The following EEPD1 variants were observed in gnomAD, a reference collection of about 807,000 sequenced individuals.
The protein encoded by EEPD1 is endonuclease/exonuclease/phosphatase family domain containing 1, also known as endonuclease/exonuclease/phosphatase family domain-containing protein 1.
A neutral mutation model predicts 46.3 loss-of-function variants in EEPD1; 17 were observed. The ratio of observed to expected loss-of-function variants is 0.37; its 90% CI spans 0.25 to 0.55. The LOEUF (loss-of-function observed/expected upper bound fraction) is 0.55, where lower values mean the gene tolerates loss of function less well. EEPD1 is among the 20% of genes least tolerant of loss of function. The probability of loss-of-function intolerance (pLI) is 0.83; values close to 1 mark genes in which losing one functional copy is unlikely to be tolerated. For synonymous variants in EEPD1, 313 were observed against 315.6 expected (o/e 0.99, Z 0.09); for missense variants, 673 against 745.6 (o/e 0.90, Z 1.13).
chr7:36,246,678 CCTG>C (rs1786645380), intron 3 of EEPD1, among the ~76,000 whole-genome samples: 1 of 152,144 alleles, frequency 6.6e-6, no homozygotes. Context: ...GTCAGTCCTC[CCTG>C]CTGATAGGTG....
chr7:36,283,612 C>T (rs1787294665), intron 4 of EEPD1, among the ~76,000 whole-genome samples: 1 of 152,070 alleles, frequency 6.6e-6, no homozygotes, highest in Admixed American at 6.5e-5. Flanking sequence ...GGACTGAGGC[C>T]CAGGTCTTCT....
chr7:36,159,668 T>C (rs1583777995), intron 2 of EEPD1, among the ~76,000 whole-genome samples: 1 of 152,206 alleles, frequency 6.6e-6, no homozygotes, highest in Admixed American at 6.5e-5. Flanking sequence ...GCTGGCCAGG[T>C]ATCAGGGTCT....
At chr7:36,223,532 C>T (rs548121009) in intron 2 of EEPD1, among the ~76,000 whole-genome samples, 1 of 152,302 alleles carries the variant, frequency 6.6e-6, no homozygotes, top group South Asian at 2.1e-4. Context: ...GTTCCTTGCC[C>T]TATCTCTGGT....
At position 36,197,328 on chromosome 7, in the gene EEPD1, A is replaced by G. The variant is rs1300885226; in HGVS notation, c.879-41657A>G. Among the ~76,000 whole-genome samples, 24 of 146,852 alleles carry G rather than the reference A, an allele frequency of 1.6e-4. No individual in the cohort carries two copies. The East Asian group carries it at 4.2e-3, about 26-fold the overall frequency. On this transcript the variant is annotated intron_variant, in intron 2 of 7. Coordinates refer to ENST00000242108, the MANE Select transcript of EEPD1 (RefSeq NM_030636.3). ...CCCCGCCCGGCCAGCCGCCCAGTCCAGGAGGTGAGGGGCGCCTCTGCCCGG... is the reference window on the plus strand; with the variant it reads ...CCCCGCCCGGCCAGCCGCCCAGTCCGGGAGGTGAGGGGCGCCTCTGCCCGG...
intron 2 of EEPD1, among the ~76,000 whole-genome samples, chr7:36,229,937 A>G (rs538494696): frequency 6.6e-6 from 1 of 151,752 alleles, no homozygotes; most frequent in Admixed American, 6.6e-5. Flanking sequence ...GTCCAAATCT[A>G]TAGCCCAGGA....
chr7:36,163,827 G>A (rs373184490), intron 2 of EEPD1, among the ~76,000 whole-genome samples: 2 of 148,120 alleles, frequency 1.4e-5, no homozygotes, highest in African/African-American at 5.0e-5. Flanking sequence ...GCAGTGAGCC[G>A]AGATCATGCC....
At chr7:36,296,715 T>TTTTG (rs1787530774) in intron 6 of EEPD1, among the ~76,000 whole-genome samples, 1 of 149,464 alleles carries the variant, frequency 6.7e-6, no homozygotes, top group South Asian at 2.1e-4. Context: ...TTTTTTTTTT[T>TTTTG]TTGTGATAAG....
chr7:36,179,690 T>C (rs1460068699), intron 2 of EEPD1, among the ~76,000 whole-genome samples: 7 of 127,484 alleles, frequency 5.5e-5, no homozygotes, highest in Non-Finnish European at 1.1e-4. Flanking sequence ...TAAAACCCTG[T>C]CTCTACTAAA....
At chr7:36,269,565 C>T (rs546370735) in intron 3 of EEPD1, among the ~76,000 whole-genome samples, 1 of 152,010 alleles carries the variant, frequency 6.6e-6, no homozygotes, top group South Asian at 2.1e-4. Context: ...TACTCCAGGC[C>T]CCTGTGCTGC....
At chr7:36,200,495 A>C (rs1426866272) in intron 2 of EEPD1, among the ~76,000 whole-genome samples, 2 of 152,216 alleles carry the variant, frequency 1.3e-5, no homozygotes, top group Non-Finnish European at 1.5e-5. Context: ...CTCCTGCATC[A>C]CATTGCTTTA....
rs372494407 is a variant in EEPD1 at position 36,297,050 on chromosome 7, A to G, written c.1373A>G (p.Tyr458Cys). ...DFGQGPDSND[Y>C]DILRKEKFHH... is the part of the protein sequence containing the mutation. Reference sequence around the variant, plus strand: ...GGCCAAGGGCCAGACAGCAATGACTATGATATCCTGAGGAAAGAAAAGTTC... The same window carrying G: ...GGCCAAGGGCCAGACAGCAATGACTGTGATATCCTGAGGAAAGAAAAGTTC... The change falls in exon 7 of 8, where the codon TAT becomes TGT. Residue 458 changes from tyrosine (Y) to cysteine (C), a missense_variant. Physicochemically the swap from Tyr to Cys is radical, Grantham distance 194. Transcript: ENST00000242108. 1.7e-5 allele frequency: 28 copies of G among 1,614,140 alleles called. No individual in the cohort carries two copies. Among genetic ancestry groups the G allele is most frequent in the South Asian group, 2.2e-5 (2 of 91,096 alleles).
chr7:36,219,596 AAGG>A (rs923256949), intron 2 of EEPD1, among the ~76,000 whole-genome samples: 2 of 146,240 alleles, frequency 1.4e-5, no homozygotes, highest in African/African-American at 5.1e-5. Flanking sequence ...AAAGAAGAAG[AAGG>A]AGGAAGAGGA....
chr7:36,154,880 G>A lies in EEPD1; in HGVS notation c.556G>A (p.Ala186Thr), dbSNP rs763941759. Reference protein sequence around the residue: ...DLVRMDGINAAFLDRIRHQVF... With the variant: ...DLVRMDGINATFLDRIRHQVF... The stretch of plus-strand genomic sequence containing the variant: ...AGTGAGGATGGATGGTATCAATGCC[G>A]CCTTCCTGGACAGGATCCGGCACCA... Residue 186 changes from alanine to threonine, a missense_variant, in exon 2 of 8, where the codon GCC (alanine) becomes ACC (threonine). Ala to Thr is a moderately conservative substitution (Grantham distance 58). Transcript: ENST00000242108. The surrounding 1 kb of genome is among the most constrained non-coding windows in gnomAD (Gnocchi z 4.2). 13 of 1,614,166 alleles carry A rather than the reference G, an allele frequency of 8.1e-6. No homozygotes were observed. The Admixed American group carries it at 8.3e-5, about 10-fold the overall frequency.
intron 4 of EEPD1, among the ~76,000 whole-genome samples, chr7:36,282,849 T>C (rs1787281596): frequency 6.6e-6 from 1 of 152,192 alleles, no homozygotes; most frequent in Admixed American, 6.5e-5. Context: ...TGGCCAAACC[T>C]CCCAGTTTCA....
At chr7:36,222,248 ATAAAG>A (rs1426066501) in intron 2 of EEPD1, among the ~76,000 whole-genome samples, 3 of 152,238 alleles carry the variant, frequency 2.0e-5, no homozygotes, top group Admixed American at 6.5e-5. Context: ...ATTCTTACAA[ATAAAG>A]TAAACTAAGG....
chr7:36,266,039 A>G (rs1239203884), intron 3 of EEPD1, among the ~76,000 whole-genome samples: 3 of 152,068 alleles, frequency 2.0e-5, no homozygotes, highest in Non-Finnish European at 2.9e-5. Flanking sequence ...CTTAGAATCT[A>G]TGGAAGGGCA....
In EEPD1 at chr7:36,155,211, A is replaced by C; in HGVS notation, c.878+9A>C. Reference sequence around the variant, plus strand: ...ACACTCCTGGAAAACAGGTGAGGACAGGAACCACCATGGGTGTTGGGTGTG... The same window carrying C: ...ACACTCCTGGAAAACAGGTGAGGACCGGAACCACCATGGGTGTTGGGTGTG... On this transcript the variant is annotated intron_variant, in intron 2 of 7. Transcript: ENST00000242108. 1 of 1,509,520 alleles carries C rather than the reference A, an allele frequency of 6.6e-7. No individual in the cohort carries two copies. The highest frequency in any genetic ancestry group is 1.4e-5 in the African/African-American group (1 of 71,676). The allele number at this position is 1,509,520 out of a possible 1,614,324, so 93.5% of individuals were successfully genotyped here.
chr7:36,180,213 G>A (rs1333036871), intron 2 of EEPD1, among the ~76,000 whole-genome samples: 4 of 152,204 alleles, frequency 2.6e-5, no homozygotes, highest in South Asian at 2.1e-4. Context: ...AAAGCGATGC[G>A]GGGGAAAGGT....
At chr7:36,281,087 G>A (rs781247283) in intron 3 of EEPD1, 28 bp from the exon 4 acceptor site, 14 of 1,606,660 alleles carry the variant, frequency 8.7e-6, no homozygotes, top group East Asian at 4.5e-5. Context: ...GCGAACCCAC[G>A]CTTCTGACCT....
Sources: allele counts gnomAD v4.1 joint callset (sites outside exome capture counted in the v4.1 genomes callset), GRCh38; gene constraint gnomAD v4.1.1; non-coding constraint Gnocchi (gnomAD v3.1); transcripts MANE v1.5; gene names NCBI Gene and HGNC (gene_info 2026-07-23, HGNC 2026-07-21).